Variants in INPP5F observed in about 807,000 individuals in gnomAD.
The protein encoded by INPP5F is inositol polyphosphate-5-phosphatase F.
Under a neutral mutation model 137.2 loss-of-function variants are expected in INPP5F, and 97 were observed. The observed-to-expected ratio is 0.71, with a 90% CI of 0.60 to 0.84. The LOEUF (loss-of-function observed/expected upper bound fraction) is 0.84. Among genes scored for constraint, INPP5F ranks in the 40% least tolerant of loss-of-function variants. The pLI is 0.00. For missense variants in INPP5F, 1,271 were observed against 1,371.9 expected, an observed-to-expected ratio of 0.93 and a Z score of 1.16; for synonymous variants, 504 against 476.9, an observed-to-expected ratio of 1.06 and a Z score of -0.74.
chr10:119,820,625 C>T lies in INPP5F; in HGVS notation c.1887-221C>T, dbSNP rs552713940. 2.0e-5 allele frequency among the ~76,000 whole-genome samples: 3 copies of T among 152,308 alleles called. No individual in the cohort carries two copies. The East Asian group carries it at 5.8e-4, about 29-fold the overall frequency. On this transcript the variant is annotated intron_variant, in intron 15 of 19. Transcript: ENST00000650623. ...TCCTTTGGCTGCCTTTCTCTACGCT[C>T]CATCCCTCACTTCCCACATCTGCTT...
chr10:119,761,717 C>A (rs1157479086), intron 2 of INPP5F, among the ~76,000 whole-genome samples: 1 of 151,862 alleles, frequency 6.6e-6, no homozygotes, highest in African/African-American at 2.4e-5. Flanking sequence ...GACTCACGTT[C>A]TGTTCACTTA....
chr10:119,728,732 A>G (rs902677790), intron 1 of INPP5F, among the ~76,000 whole-genome samples: 3 of 152,182 alleles, frequency 2.0e-5, no homozygotes, highest in Non-Finnish European at 2.9e-5. Context: ...TTTAGCCTGG[A>G]ATGTTTGTTA....
At chr10:119,781,801 A>T in intron 3 of INPP5F, 30 bp downstream of exon 3, 3 of 1,544,604 alleles carry the variant, frequency 1.9e-6, no homozygotes, top group Non-Finnish European at 2.7e-6. Flanking sequence ...ATTATATGGA[A>T]ACCTGATATA....
At chr10:119,757,490 A>G (rs78355662) in intron 2 of INPP5F, among the ~76,000 whole-genome samples, 4,237 of 152,132 alleles carry the variant, frequency 0.028, 100 homozygotes, top group Non-Finnish European at 0.042. Flanking sequence ...TCCAGGAGGA[A>G]ATAAAAATGG....
intron 3 of INPP5F, among the ~76,000 whole-genome samples, chr10:119,785,571 A>AGAGAGAGAGAGAGAGAGAGG (rs1849875604): frequency 6.6e-6 from 1 of 151,220 alleles, no homozygotes; most frequent in Non-Finnish European, 1.5e-5. Flanking sequence ...AGAGAGAGAG[A>AGAGAGAGAGAGAGAGAGAGG]GAGAGAGACT....
intron 9 of INPP5F, among the ~76,000 whole-genome samples, chr10:119,801,647 G>A (rs1009488425): frequency 6.6e-6 from 1 of 152,158 alleles, no homozygotes. Context: ...GGCTGAAGTG[G>A]GAGAATCACT....
chr10:119,747,733 A>C (rs143613605), intron 1 of INPP5F, among the ~76,000 whole-genome samples: 286 of 152,272 alleles, frequency 1.9e-3, no homozygotes, highest in African/African-American at 6.6e-3. Context: ...ATCATTTATC[A>C]CAGTGTTTTT....
At chr10:119,822,335 A>G (rs1471930147) in intron 16 of INPP5F, 96 bp from the exon 17 acceptor site, 2 of 552,548 alleles carry the variant, frequency 3.6e-6, no homozygotes, top group Non-Finnish European at 6.4e-6. Flanking sequence ...GATTTTGTTA[A>G]CTGTATGTAA....
chr10:119,803,185 T>G (rs1421382190), intron 9 of INPP5F, among the ~76,000 whole-genome samples: 1 of 152,210 alleles, frequency 6.6e-6, no homozygotes, highest in Non-Finnish European at 1.5e-5. Flanking sequence ...TTAAAATTTT[T>G]TAAAGTTATG....
At chr10:119,758,124 T>C (rs969676518) in intron 2 of INPP5F, among the ~76,000 whole-genome samples, 16 of 152,204 alleles carry the variant, frequency 1.1e-4, no homozygotes, top group African/African-American at 3.9e-4. Context: ...GTGATAGATG[T>C]TAATTACTAG....
At chr10:119,746,015 T>C (rs1215017521) in intron 1 of INPP5F, among the ~76,000 whole-genome samples, 1 of 152,164 alleles carries the variant, frequency 6.6e-6, no homozygotes, top group Non-Finnish European at 1.5e-5. Flanking sequence ...CTCATTACTG[T>C]TTATTCAAGT....
chr10:119,744,484 C>G (rs1848469896), intron 1 of INPP5F, among the ~76,000 whole-genome samples: 1 of 86,646 alleles, frequency 1.2e-5, no homozygotes, highest in African/African-American at 4.5e-5. Flanking sequence ...CCAAGGTTAG[C>G]TTTTATACCT....
chr10:119,826,067 C>A, intron 19 of INPP5F: 1 of 398,172 alleles, frequency 2.5e-6, no homozygotes, highest in South Asian at 1.3e-4. Context: ...CCTGTCTCCC[C>A]CCACTATCTG....
chr10:119,826,951 C>T lies in INPP5F; in HGVS notation c.2570C>T (p.Ser857Leu), dbSNP rs752928260. 4.3e-6 allele frequency: 7 copies of T among 1,613,918 alleles called. No homozygotes were observed. The African/African-American group carries it at 8.0e-5, about 18-fold the overall frequency. Residue 857 changes from serine to leucine, a missense_variant, in exon 20 of 20, where the codon TCA becomes TTA. Transcript: ENST00000650623. ...GGGGACATGTCTTCAGATAATGACT[C>T]ATACCACTCTGATGAATTCCTTACA... ...SDGDMSSDND[S>L]YHSDEFLTNS...
chr10:119,732,058 T>C (rs999925515), intron 1 of INPP5F, among the ~76,000 whole-genome samples: 2 of 83,938 alleles, frequency 2.4e-5, no homozygotes, highest in East Asian at 3.7e-4. Context: ...TTTTTTTTTT[T>C]AGTGTAGACA....
intron 9 of INPP5F, among the ~76,000 whole-genome samples, chr10:119,800,638 A>G (rs1850555363): frequency 6.6e-6 from 1 of 152,006 alleles, no homozygotes; most frequent in South Asian, 2.1e-4. Context: ...ACAAAAGAGG[A>G]TATCCAGAAA....
chr10:119,733,825 G>T (rs1848152294), intron 1 of INPP5F, among the ~76,000 whole-genome samples: 1 of 152,150 alleles, frequency 6.6e-6, no homozygotes, highest in Non-Finnish European at 1.5e-5. Context: ...TGTCCCACTT[G>T]CCTGGCCTAA....
At chr10:119,819,621 T>A in intron 15 of INPP5F, 1 of 1,127,138 alleles carries the variant, frequency 8.9e-7, no homozygotes, top group Non-Finnish European at 1.2e-6. Flanking sequence ...TCGGTCTCCT[T>A]TTCCCATTGG....
At chr10:119,826,073 A>G in intron 19 of INPP5F, 2 of 398,068 alleles carry the variant, frequency 5.0e-6, no homozygotes, top group Non-Finnish European at 4.4e-6. Flanking sequence ...TCCCCCCACT[A>G]TCTGAATTTG....
Sources: allele counts gnomAD v4.1 joint callset (sites outside exome capture counted in the v4.1 genomes callset), GRCh38; gene constraint gnomAD v4.1.1; transcripts MANE v1.5; gene names NCBI Gene and HGNC (gene_info 2026-07-23, HGNC 2026-07-21).